The following LPP variants were observed in gnomAD, a reference collection of about 807,000 sequenced individuals.
LPP encodes lipoma-preferred partner.
LPP carries 38 observed loss-of-function variants against 60.4 expected under a neutral mutation model. That is an observed-to-expected ratio of 0.63 (90% CI 0.49 to 0.83). LPP has a LOEUF of 0.83. Among genes scored for constraint, LPP ranks in the 40% least tolerant of loss-of-function variants. LPP has a pLI of 0.00. For missense variants in LPP, 902 were observed against 783.6 expected, an observed-to-expected ratio of 1.15 and a Z score of -1.80; for synonymous variants, 328 against 290.8, an observed-to-expected ratio of 1.13 and a Z score of -1.30.
chr3:188,412,387 TTTATATTGGTA>T (rs1785119086), intron 4 of LPP, among the ~76,000 whole-genome samples: 1 of 152,146 alleles, frequency 6.6e-6, no homozygotes. Context: ...GTGGAATCCT[TTTATATTGGTA>T]TACTCTTTTA....
Position 188,453,486 on chromosome 3 carries a change from G to C in LPP, c.194-31106G>C, listed in dbSNP as rs375080507. Among the ~76,000 whole-genome samples, 309 of 152,042 alleles carry C rather than the reference G, an allele frequency of 2.0e-3. 1 individual carries two copies. The highest frequency in any genetic ancestry group is 7.3e-3 in the African/African-American group (302 of 41,486). On this transcript the variant is annotated intron_variant, in intron 4 of 11. Coordinates refer to ENST00000617246, the MANE Select transcript of LPP (RefSeq NM_001375462.1). Reference sequence around the variant, plus strand: ...TGCCTGGGGGAATAAGTCCCAATCCGGCCAGGAAATGCTGATCTCCTTCCG... The same window carrying C: ...TGCCTGGGGGAATAAGTCCCAATCCCGCCAGGAAATGCTGATCTCCTTCCG...
At chr3:188,156,740 G>A (rs963203059) in intron 1 of LPP, among the ~76,000 whole-genome samples, 1 of 151,994 alleles carries the variant, frequency 6.6e-6, no homozygotes, top group African/African-American at 2.4e-5. Context: ...GGGAGGCTGC[G>A]GCAGGAGAAT....
rs369062490 is a variant in LPP at position 188,785,535 on chromosome 3, C to CATATATAT, written c.1410+25259_1410+25266dup. On this transcript the variant is annotated intron_variant, in intron 9 of 11. Transcript: ENST00000617246. ...ATATATATATATATATATATTCCATCATATATATATATACACACACACACA... is the reference window on the plus strand; with the variant it reads ...ATATATATATATATATATATTCCATCATATATATATATATATATATACACACACACACA... Among the ~76,000 whole-genome samples the CATATATAT allele has an allele frequency of 2.7e-3, 43 of 15,666 alleles. 5 individuals are homozygous for CATATATAT. Among genetic ancestry groups the CATATATAT allele is most frequent in the African/African-American group, 6.7e-3 (23 of 3,428 alleles). The allele number at this position is 15,666 out of a possible 152,430, so 10.3% of individuals were successfully genotyped here. A position where few individuals can be genotyped will look rare whatever the true frequency, so the allele number is the denominator to read the frequency against.
intron 3 of LPP, among the ~76,000 whole-genome samples, chr3:188,384,788 TC>T (rs1560332385): frequency 0.017 from 1,915 of 111,758 alleles, 66 homozygotes; most frequent in Non-Finnish European, 0.028. Flanking sequence ...AGACTCTGTC[TC>T]AAAAAAAAAA....
At chr3:188,659,113 C>G (rs1364844947) in intron 7 of LPP, among the ~76,000 whole-genome samples, 1 of 152,152 alleles carries the variant, frequency 6.6e-6, no homozygotes, top group Non-Finnish European at 1.5e-5. Flanking sequence ...AATAGTGCAT[C>G]TTGATGCATT....
At chr3:188,235,546 C>T (rs1465852952) in intron 2 of LPP, among the ~76,000 whole-genome samples, 1 of 151,990 alleles carries the variant, frequency 6.6e-6, no homozygotes, top group African/African-American at 2.4e-5. Flanking sequence ...AAATAATTTC[C>T]ATTTTAAAAT....
chr3:188,248,536 G>A (rs1189031652), intron 2 of LPP, among the ~76,000 whole-genome samples: 2 of 139,094 alleles, frequency 1.4e-5, no homozygotes, highest in African/African-American at 5.5e-5. Context: ...GAGGGCTGAG[G>A]GTTTTGCTGC....
chr3:188,335,171 A>G (rs1442022619), intron 2 of LPP, among the ~76,000 whole-genome samples: 1 of 152,222 alleles, frequency 6.6e-6, no homozygotes, highest in Non-Finnish European at 1.5e-5. Flanking sequence ...CTGTGGGTTT[A>G]TCATGTGAAG....
In LPP at chr3:188,884,153, G is replaced by C. The variant is rs905392657; in HGVS notation, c.*9674G>C. On this transcript the variant is annotated 3_prime_UTR_variant, in exon 12 of 12. Coordinates refer to ENST00000617246, the MANE Select transcript of LPP (RefSeq NM_001375462.1). ...GCTTCCACACAGAAAATAGCGCAGG[G>C]AGGACAGTTATTAGTACCCCTATTC... is the stretch of plus-strand genomic sequence containing the variant. 4.4e-6 allele frequency: 1 copy of C among 226,206 alleles called. No homozygotes were observed. Among genetic ancestry groups the C allele is most frequent in the Non-Finnish European group, 8.8e-6 (1 of 113,720 alleles). 14.0% of individuals were successfully genotyped at this position (226,206 alleles called of 1,614,324 possible). A position where few individuals can be genotyped will look rare whatever the true frequency, so the allele number is the denominator to read the frequency against.
intron 2 of LPP, among the ~76,000 whole-genome samples, chr3:188,271,212 G>A (rs1433758803): frequency 1.3e-5 from 2 of 152,136 alleles, no homozygotes; most frequent in Non-Finnish European, 2.9e-5. Flanking sequence ...TTTCTTGCTC[G>A]GGGTAGAGAA....
chr3:188,291,315 T>C (rs1029332845), intron 2 of LPP, among the ~76,000 whole-genome samples: 7 of 152,118 alleles, frequency 4.6e-5, no homozygotes, highest in Admixed American at 2.6e-4. Flanking sequence ...AAGGCTAAAG[T>C]GTTTTTCATG....
chr3:188,524,336 C>G (rs1034936301), intron 5 of LPP, among the ~76,000 whole-genome samples: 1 of 152,194 alleles, frequency 6.6e-6, no homozygotes, highest in Admixed American at 6.5e-5. Flanking sequence ...CTTGTGAGCT[C>G]TCTTCAGCTG....
At chr3:188,773,569 T>C (rs1356634337) in intron 9 of LPP, among the ~76,000 whole-genome samples, 1 of 152,144 alleles carries the variant, frequency 6.6e-6, no homozygotes, top group Non-Finnish European at 1.5e-5. Context: ...AACATCTTCC[T>C]CAGAAGTTAT....
At chr3:188,731,527 T>TTTTGTTTTGTTTTGTTTTG (rs1354102456) in intron 8 of LPP, among the ~76,000 whole-genome samples, 8 of 151,660 alleles carry the variant, frequency 5.3e-5, no homozygotes, top group African/African-American at 1.9e-4. Context: ...TTTTGTTTTG[T>TTTTGTTTTGTTTTGTTTTG]TTTGTTTTGT....
intron 6 of LPP, among the ~76,000 whole-genome samples, chr3:188,563,723 T>C (rs925450800): frequency 5.2e-5 from 6 of 116,046 alleles, no homozygotes; most frequent in Non-Finnish European, 1.1e-4. Context: ...CTTGTGTTTT[T>C]TTTTGTTTTT....
At position 188,352,463 on chromosome 3, in the gene LPP, G is replaced by A. The variant is rs1766161762; in HGVS notation, c.-10+10744G>A. The stretch of plus-strand genomic sequence containing the variant: ...ATGTGGTCACGTCAGTGCCTCTTCG[G>A]GAGCTGTGTGACTGGCGAGCCCTCA... On this transcript the variant is annotated intron_variant, in intron 3 of 11. Coordinates refer to ENST00000617246, the MANE Select transcript of LPP (RefSeq NM_001375462.1). The surrounding 1 kb of genome is among the most constrained non-coding windows in gnomAD (Gnocchi z 4.4). 6.6e-6 allele frequency among the ~76,000 whole-genome samples: 1 copy of A among 152,214 alleles called. No homozygotes were observed. The highest frequency in any genetic ancestry group is 2.4e-5 in the African/African-American group (1 of 41,462).
At chr3:188,496,208 C>T (rs1292317284) in intron 5 of LPP, among the ~76,000 whole-genome samples, 3 of 152,056 alleles carry the variant, frequency 2.0e-5, no homozygotes, top group African/African-American at 7.2e-5. Flanking sequence ...TCACTGCAGA[C>T]TCCACCTCCA....
chr3:188,797,449 T>G (rs554296020), intron 9 of LPP, among the ~76,000 whole-genome samples: 1 of 152,184 alleles, frequency 6.6e-6, no homozygotes, highest in African/African-American at 2.4e-5. Context: ...CAAAATCTCA[T>G]AATCTTCTAG....
chr3:188,828,640 A>AAAAAAAAAACC (rs1756306374), intron 9 of LPP, among the ~76,000 whole-genome samples: 1 of 146,974 alleles, frequency 6.8e-6, no homozygotes, highest in Non-Finnish European at 1.5e-5. Context: ...AAAAAAAAAA[A>AAAAAAAAAACC]CTCAGCTGCA....
Sources: allele counts gnomAD v4.1 joint callset (sites outside exome capture counted in the v4.1 genomes callset), GRCh38; gene constraint gnomAD v4.1.1; non-coding constraint Gnocchi (gnomAD v3.1); transcripts MANE v1.5; gene names NCBI Gene and HGNC (gene_info 2026-07-23, HGNC 2026-07-21).